DNAH1: variants seen among roughly 807,000 people sequenced by gnomAD.
DNAH1 encodes axonemal beta dynein heavy chain 1.
A neutral mutation model predicts 484.3 loss-of-function variants in DNAH1; 327 were observed. The ratio of observed to expected loss-of-function variants is 0.68; its 90% CI spans 0.62 to 0.74. DNAH1 has a LOEUF of 0.74. Ranked by LOEUF, DNAH1 falls within the 30% of genes least tolerant of loss-of-function variation. The probability of loss-of-function intolerance (pLI) is 0.00; values close to 1 mark genes in which losing one functional copy is unlikely to be tolerated. For missense variants in DNAH1, 5,052 were observed against 5,546.8 expected (o/e 0.91, Z 2.83); for synonymous variants, 2,192 against 2,191.9 (o/e 1.00, Z 0.00).
At chr3:52,310,997 T>C in the DNAH1 span, among the ~76,000 whole-genome samples, 1 of 152,160 alleles carries the variant, frequency 6.6e-6, no homozygotes, top group African/African-American at 2.4e-5. Context: ...CTTACCTCCT[T>C]CTCACCCCAA....
intron 76 of DNAH1, 151 bp from the exon 77 acceptor site, chr3:52,399,394 A>G: frequency 1.1e-6 from 1 of 915,290 alleles, no homozygotes; most frequent in Non-Finnish European, 1.7e-6. Flanking sequence ...GGGGCAGGGC[A>G]CAGACCACAG....
At chr3:52,349,878 T>C in intron 14 of DNAH1, 111 bp from the exon 15 acceptor site, 2 of 1,430,208 alleles carry the variant, frequency 1.4e-6, no homozygotes, top group Non-Finnish European at 9.4e-7. Flanking sequence ...GATGTTGTGG[T>C]GGAGGGGACA....
At chr3:52,357,471 C>G in intron 22 of DNAH1, 143 bp from the exon 23 acceptor site, 1 of 1,096,376 alleles carries the variant, frequency 9.1e-7, no homozygotes, top group Non-Finnish European at 1.3e-6. Context: ...GTTGCAGCCA[C>G]TGGCTCAGGG....
intron 8 of DNAH1, among the ~76,000 whole-genome samples, chr3:52,335,943 C>T (rs1701729438): frequency 6.6e-6 from 1 of 152,154 alleles, no homozygotes; most frequent in African/African-American, 2.4e-5. Context: ...CCCTTTTTCC[C>T]ATTTTTTAAA....
intron 66 of DNAH1, among the ~76,000 whole-genome samples, chr3:52,393,949 A>G (rs967233350): frequency 1.3e-5 from 2 of 152,260 alleles, no homozygotes; most frequent in Non-Finnish European, 1.5e-5. Context: ...TTGTGCTCCA[A>G]CCAATGGCTC....
chr3:52,356,622 G>A lies in DNAH1; in HGVS notation c.3702G>A (p.Leu1234=). The part of the protein sequence containing the change: ...ENKLKLTQEV[L]EEWLNCQRSW... ...GCCCCTCCCCTCCCCAGGAGGTTCT[G>A]GAGGAGTGGCTGAACTGTCAGCGGT... Residue 1234 remains leucine (L), a synonymous_variant, in exon 22 of 78, where the codon CTG becomes CTA. Transcript: ENST00000420323. The A allele has an allele frequency of 6.2e-7, 1 of 1,613,410 alleles. No individual in the cohort carries two copies.
At position 52,392,454 on chromosome 3, in the gene DNAH1, C is replaced by A. The variant is rs372170382; in HGVS notation, c.10053-10C>A. The A allele has an allele frequency of 8.7e-5, 141 of 1,612,176 alleles. No homozygotes were observed. Among genetic ancestry groups the A allele is most frequent in the Non-Finnish European group, 1.1e-4 (129 of 1,179,294 alleles). ...GGTATTACAGACTTGGTGTCCCCTG[C>A]CCCCGGCAGTGGCCTAGAGGACCAG... On this transcript the variant is annotated splice_polypyrimidine_tract_variant and intron_variant, in intron 63 of 77. Transcript: ENST00000420323.
intron 25 of DNAH1, 42 bp from the exon 26 acceptor site, chr3:52,359,204 G>A (rs1414102158): frequency 6.5e-7 from 1 of 1,549,086 alleles, no homozygotes; most frequent in Non-Finnish European, 8.7e-7. Context: ...TGGGATTGGG[G>A]CTGCGGCTGT....
chr3:52,346,362 C>G (rs372682072), intron 10 of DNAH1, 110 bp from the exon 11 acceptor site: 1 of 1,157,570 alleles, frequency 8.6e-7, no homozygotes. Flanking sequence ...CCTCCACAGT[C>G]AGATGAGCCC....
chr3:52,396,587 C>A (rs1704637527), intron 71 of DNAH1, 31 bp from the exon 72 acceptor site: 1 of 1,611,044 alleles, frequency 6.2e-7, no homozygotes, highest in Non-Finnish European at 8.5e-7. Context: ...CGTCCCCGCT[C>A]CTCACCTCCC....
At chr3:52,318,465 C>T (rs556810544) in intron 1 of DNAH1, among the ~76,000 whole-genome samples, 1 of 152,380 alleles carries the variant, frequency 6.6e-6, no homozygotes, top group Admixed American at 6.5e-5. Flanking sequence ...TTCTCCAGAT[C>T]CCTACCAGAG....
In DNAH1 at chr3:52,368,600, C is replaced by T; in HGVS notation, c.5766-141C>T. 1.1e-6 allele frequency: 1 copy of T among 898,662 alleles called. No homozygotes were observed. The highest frequency in any genetic ancestry group is 3.6e-4 in the Middle Eastern group (1 of 2,778). The allele number at this position is 898,662 out of a possible 1,614,324, so 55.7% of individuals were successfully genotyped here. A position where few individuals can be genotyped will look rare whatever the true frequency, so the allele number is the denominator to read the frequency against. ...GTGACACCAAAAAAATCCCACTTTT[C>T]CTATTATAATTTTTAAAAGAACAAA... On this transcript the variant is annotated intron_variant, in intron 36 of 77. Coordinates refer to ENST00000420323, the MANE Select transcript of DNAH1 (RefSeq NM_015512.5). The surrounding 1 kb of genome is among the most constrained non-coding windows in gnomAD (Gnocchi z 4.4).
At chr3:52,389,387 C>T in intron 59 of DNAH1, 74 bp from the exon 60 acceptor site, 1 of 1,593,710 alleles carries the variant, frequency 6.3e-7, no homozygotes, top group Non-Finnish European at 8.6e-7. Context: ...CTGCCAAGCA[C>T]TGTGGCTTAG....
Position 52,366,563 on chromosome 3 carries a change from G to A in DNAH1, c.5610+15G>A, listed in dbSNP as rs1320295915. On this transcript the variant is annotated intron_variant, in intron 35 of 77. Transcript: ENST00000420323. ...GCAAGAGTACTGTAAGCAGAGCCAA[G>A]CTTGGCAGCCAGTGTCCGGATAGTG... The A allele has an allele frequency of 1.3e-6, 2 of 1,580,806 alleles. No individual in the cohort carries two copies. The highest frequency in any genetic ancestry group is 3.6e-5 in the Admixed American group (2 of 54,934).
At position 52,384,975 on chromosome 3, in the gene DNAH1, A is replaced by G. The variant is rs1245713444; in HGVS notation, c.8512A>G (p.Lys2838Glu). ...GAACCGCATGAAGAGCGGCCTCGAC[A>G]AGGTGGGCCCAGGCGAGTCCCCGTG... The part of the protein sequence containing the change: ...AKNRMKSGLD[K>E]LLRTSEDVAK... The change falls in exon 53 of 78, where the codon AAG (lysine) becomes GAG (glutamate). Residue 2838 changes from lysine (K) to glutamate (E), a missense_variant and splice_region_variant. By Grantham distance (56) the Lys-to-Glu change is moderately conservative. Transcript: ENST00000420323. The G allele has an allele frequency of 6.2e-7, 1 of 1,612,150 alleles. No individual in the cohort carries two copies. Among genetic ancestry groups the G allele is most frequent in the South Asian group, 1.1e-5 (1 of 90,818 alleles).
At chr3:52,326,544 G>A (rs1351820887) in intron 4 of DNAH1, among the ~76,000 whole-genome samples, 191 bp from the exon 5 acceptor site, 2 of 152,132 alleles carry the variant, frequency 1.3e-5, no homozygotes, top group African/African-American at 2.4e-5. Context: ...GGACAGAAGG[G>A]CAGTTGGAGC....
chr3:52,388,938 G>T lies in DNAH1; in HGVS notation c.9495+1G>T. On this transcript the variant is annotated splice_donor_variant, in intron 59 of 77. Transcript: ENST00000420323. LOFTEE classifies it high-confidence loss of function. ...TGTGGCCTACCTGGGCCCCTTCACGGTAAGAAGTCCCCACCTCTGTCTCTG... is the reference window on the plus strand; with the variant it reads ...TGTGGCCTACCTGGGCCCCTTCACGTTAAGAAGTCCCCACCTCTGTCTCTG... The T allele has an allele frequency of 1.3e-6, 2 of 1,593,410 alleles. No individual in the cohort carries two copies. The highest frequency in any genetic ancestry group is 2.2e-5 in the East Asian group (1 of 44,540).
chr3:52,380,187 C>A, intron 48 of DNAH1, 52 bp downstream of exon 48: 6 of 1,490,654 alleles, frequency 4.0e-6, no homozygotes, highest in South Asian at 2.5e-5. Context: ...CTTCAATCTG[C>A]CTCCCTGGGG....
At position 52,344,539 on chromosome 3, in the gene DNAH1, G is replaced by C. The variant is rs372340050; in HGVS notation, c.1336G>C (p.Glu446Gln). 1 of 1,613,862 alleles carries C rather than the reference G, an allele frequency of 6.2e-7. No homozygotes were observed. The highest frequency in any genetic ancestry group is 1.3e-5 in the African/African-American group (1 of 74,932). ...TGCCAGAGAAGTGAGCCTGGACTAT[G>C]AGCGCAGCATGAACAAGATCAACTT... ...SLAREVSLDY[E>Q]RSMNKINFDH... The change falls in exon 9 of 78, where the codon GAG (glutamate) becomes CAG (glutamine). Residue 446 changes from glutamate (E) to glutamine (Q), a missense_variant. Glu to Gln is a conservative substitution (Grantham distance 29). Transcript: ENST00000420323.
Sources: allele counts gnomAD v4.1 joint callset (sites outside exome capture counted in the v4.1 genomes callset), GRCh38; gene constraint gnomAD v4.1.1; non-coding constraint Gnocchi (gnomAD v3.1); transcripts MANE v1.5; gene names NCBI Gene and HGNC (gene_info 2026-07-23, HGNC 2026-07-21).